The following OTOP2 variants were observed in gnomAD, a reference collection of about 807,000 sequenced individuals.
The protein encoded by OTOP2 is otopetrin 2, also known as proton channel OTOP2.
Under a neutral mutation model 47.4 loss-of-function variants are expected in OTOP2, and 41 were observed. The ratio of observed to expected loss-of-function variants is 0.87; its 90% confidence interval spans 0.67 to 1.12. The LOEUF is 1.12. Ranked by LOEUF, OTOP2 falls within the 50% of genes most tolerant of loss-of-function variation. The pLI is 0.00. For missense variants in OTOP2, 721 were observed against 752.2 expected (o/e 0.96, Z 0.49); for synonymous variants, 328 against 319.6 (o/e 1.03, Z -0.28).
chr17:74,930,265 T>C lies in OTOP2; in HGVS notation c.644-14T>C. On this transcript the variant is annotated splice_polypyrimidine_tract_variant and intron_variant, in intron 5 of 6. Coordinates refer to ENST00000331427, the MANE Select transcript of OTOP2 (RefSeq NM_178160.3). The surrounding 1 kb of genome is among the most constrained non-coding windows in gnomAD (Gnocchi z 4.0). Reference sequence around the variant, plus strand: ...CAGGAGGGCTGTCCAGCCCTGTGTCTCTCTCCACAACAGAGCATGCAGACA... The same window carrying C: ...CAGGAGGGCTGTCCAGCCCTGTGTCCCTCTCCACAACAGAGCATGCAGACA... The C allele has an allele frequency of 1.2e-6, 2 of 1,600,592 alleles. No individual in the cohort carries two copies. Among genetic ancestry groups the C allele is most frequent in the South Asian group, 1.1e-5 (1 of 90,476 alleles).
chr17:74,930,238 G>T lies in OTOP2; in HGVS notation c.644-41G>T. 1 of 1,576,548 alleles carries T rather than the reference G, an allele frequency of 6.3e-7. No homozygotes were observed. The highest frequency in any genetic ancestry group is 8.6e-7 in the Non-Finnish European group (1 of 1,156,672). On this transcript the variant is annotated intron_variant, in intron 5 of 6. Coordinates refer to ENST00000331427, the MANE Select transcript of OTOP2 (RefSeq NM_178160.3). This position sits in a 1 kb window ranked among gnomAD's most constrained non-coding sequence, Gnocchi z 4.0. ...GCTAGGGGTGAGACCTCTCTAGGAA[G>T]GCAGGAGGGCTGTCCAGCCCTGTGT...
rs1265951888 is a variant in OTOP2, at chr17:74,924,438, G to A, written c.-34+105G>A. 10 of 608,254 alleles carry A rather than the reference G, an allele frequency of 1.6e-5. No individual in the cohort carries two copies. The highest frequency in any genetic ancestry group is 2.7e-6 in the Non-Finnish European group (1 of 364,026). 37.7% of individuals were successfully genotyped at this position (608,254 alleles called of 1,614,324 possible). ...CCTTTCTTCCCATCCAGCGAGAGGGGCAGGTTCCGCATTTTCTCTTCCCCT... is the reference window on the plus strand; with the variant it reads ...CCTTTCTTCCCATCCAGCGAGAGGGACAGGTTCCGCATTTTCTCTTCCCCT... On this transcript the variant is annotated intron_variant, in intron 1 of 6. Coordinates refer to ENST00000331427, the MANE Select transcript of OTOP2 (RefSeq NM_178160.3). This position sits in a 1 kb window ranked among gnomAD's most constrained non-coding sequence, Gnocchi z 7.7.
At chr17:74,929,937 T>A (rs1433831323) in intron 5 of OTOP2, among the ~76,000 whole-genome samples, 1 of 152,106 alleles carries the variant, frequency 6.6e-6, no homozygotes. Context: ...AATCCCAGCA[T>A]TTTGGGAGGC....
rs2039020534 is a variant in OTOP2, at chr17:74,927,645, C to T, written c.510-20C>T. ...CAAAGGGTCACAGGCCTCTTTGTCCCCACCCCTGACCCCAAACAGGTGTGG... is the reference window on the plus strand; with the variant it reads ...CAAAGGGTCACAGGCCTCTTTGTCCTCACCCCTGACCCCAAACAGGTGTGG... On this transcript the variant is annotated intron_variant, in intron 4 of 6. Transcript: ENST00000331427. The T allele has an allele frequency of 6.2e-7, 1 of 1,605,062 alleles. No homozygotes were observed.
chr17:74,924,707 G>A lies in OTOP2; in HGVS notation c.75G>A (p.Lys25=). The part of the protein sequence containing the change: ...APRAGPREVW[K]KGGRLLSVLL... ...GTGCGGGCCCCAGGGAGGTGTGGAA[G>A]AAGGGTGGCCGCCTGCTGTCGGTGC... Residue 25 remains lysine (K), a synonymous_variant, in exon 2 of 7, where the codon AAG becomes AAA. Transcript: ENST00000331427. The surrounding 1 kb of genome is among the most constrained non-coding windows in gnomAD (Gnocchi z 7.7). 1 of 1,605,212 alleles carries A rather than the reference G, an allele frequency of 6.2e-7. No individual in the cohort carries two copies. The highest frequency in any genetic ancestry group is 1.1e-5 in the South Asian group (1 of 89,834).
intron 2 of OTOP2, 133 bp from the exon 3 acceptor site, chr17:74,925,423 T>A: frequency 9.3e-6 from 10 of 1,075,318 alleles, no homozygotes; most frequent in South Asian, 1.5e-5. Flanking sequence ...CATTGATCCA[T>A]CCAACAGTGC....
chr17:74,931,083 C>G lies in OTOP2; in HGVS notation c.1448C>G (p.Thr483Ser), dbSNP rs1004320104. Reference protein sequence around the residue: ...DQREAVAIVSTPRSQWRRQCL... With the variant: ...DQREAVAIVSSPRSQWRRQCL... ...CGGGAAGCAGTGGCCATCGTCTCAACCCCCAGAAGCCAGTGGAGACGCCAG... is the reference window on the plus strand; with the variant it reads ...CGGGAAGCAGTGGCCATCGTCTCAAGCCCCAGAAGCCAGTGGAGACGCCAG... Residue 483 changes from threonine (T) to serine (S), a missense_variant, in exon 6 of 7, where the codon ACC (threonine) becomes AGC (serine). Coordinates refer to ENST00000331427, the MANE Select transcript of OTOP2 (RefSeq NM_178160.3). The G allele has an allele frequency of 1.4e-5, 23 of 1,613,922 alleles. No individual in the cohort carries two copies. The African/African-American group carries it at 2.8e-4, about 20-fold the overall frequency.
At position 74,927,813 on chromosome 17, in the gene OTOP2, A is replaced by C. The variant is rs761980085; in HGVS notation, c.643+15A>C. The C allele has an allele frequency of 8.1e-6, 13 of 1,612,874 alleles. No homozygotes were observed. Among genetic ancestry groups the C allele is most frequent in the Non-Finnish European group, 8.5e-7 (1 of 1,179,452 alleles). On this transcript the variant is annotated intron_variant, in intron 5 of 6. Transcript: ENST00000331427. ...CATCTCTGACCGTGAGTTTCCTCTT[A>C]ATGCTGGCCCTGTGGCTACCAGGCC... is the stretch of plus-strand genomic sequence containing the variant.
intron 3 of OTOP2, among the ~76,000 whole-genome samples, chr17:74,926,699 CTG>C (rs1048772345): frequency 1.3e-5 from 2 of 152,064 alleles, no homozygotes; most frequent in African/African-American, 4.8e-5. Flanking sequence ...TTTATACAAA[CTG>C]TGTCAGAATA....
rs2039080406 is a variant in OTOP2 at position 74,933,654 on chromosome 17, CT to C, written c.*111del. On this transcript the variant is annotated 3_prime_UTR_variant, in exon 7 of 7. Coordinates refer to ENST00000331427, the MANE Select transcript of OTOP2 (RefSeq NM_178160.3). The surrounding 1 kb of genome is among the most constrained non-coding windows in gnomAD (Gnocchi z 4.7). ...CTGGTGCCATATGACAGCCCATTTC[CT>C]TCTGGTCCCAGAGTGGAATTTTCAC... 7.9e-7 allele frequency: 1 copy of C among 1,268,372 alleles called. No individual in the cohort carries two copies. Among genetic ancestry groups the C allele is most frequent in the African/African-American group, 1.5e-5 (1 of 67,208 alleles). 78.6% of individuals were successfully genotyped at this position (1,268,372 alleles called of 1,614,324 possible).
rs780406099 is a variant in OTOP2 at position 74,925,541 on chromosome 17, A to G, written c.314-15A>G. ...TTTGATCCACCACCACCACCCACCC[A>G]CCCCTGGTTTCCAGGTGGGCTGGTG... On this transcript the variant is annotated splice_polypyrimidine_tract_variant and intron_variant, in intron 2 of 6. Coordinates refer to ENST00000331427, the MANE Select transcript of OTOP2 (RefSeq NM_178160.3). 6.2e-7 allele frequency: 1 copy of G among 1,611,140 alleles called. No homozygotes were observed. The highest frequency in any genetic ancestry group is 2.2e-5 in the East Asian group (1 of 44,802).
chr17:74,932,235 A>G (rs1036147174), intron 6 of OTOP2, among the ~76,000 whole-genome samples: 5 of 152,192 alleles, frequency 3.3e-5, no homozygotes, highest in African/African-American at 1.2e-4. Context: ...AGAACCTCCA[A>G]TAGAAAAATA....
At chr17:74,927,845 C>G (rs1040345904) in intron 5 of OTOP2, 47 bp downstream of exon 5, 2 of 1,596,510 alleles carry the variant, frequency 1.3e-6, no homozygotes, top group African/African-American at 2.7e-5. Flanking sequence ...GGCCTTGGGC[C>G]GGGTGCTTTG....
chr17:74,930,777 C>T lies in OTOP2; in HGVS notation c.1142C>T (p.Ala381Val), dbSNP rs749921871. The change falls in exon 6 of 7, where the codon GCC (alanine) becomes GTC (valine). Residue 381 changes from alanine (A) to valine (V), a missense_variant. Coordinates refer to ENST00000331427, the MANE Select transcript of OTOP2 (RefSeq NM_178160.3). This position sits in a 1 kb window ranked among gnomAD's most constrained non-coding sequence, Gnocchi z 4.0. ...LLMGAALGQY[A>V]ISYYSIVAVV... ...ATGGGTGCCGCCCTGGGTCAGTACG[C>T]CATCTCTTACTACTCCATCGTGGCT... 21 of 1,614,032 alleles carry T rather than the reference C, an allele frequency of 1.3e-5. No individual in the cohort carries two copies. Among genetic ancestry groups the T allele is most frequent in the Admixed American group, 5.0e-5 (3 of 60,004 alleles).
chr17:74,933,095 T>C lies in OTOP2; in HGVS notation c.1519-280T>C, dbSNP rs1019138698. The stretch of plus-strand genomic sequence containing the variant: ...CTCTTCTCCCCTCCCCAATCCCACA[T>C]TGAGGCCCTGCTAAGATTTTGGGAG... On this transcript the variant is annotated intron_variant, in intron 6 of 6. Transcript: ENST00000331427. This position sits in a 1 kb window ranked among gnomAD's most constrained non-coding sequence, Gnocchi z 4.7. 6.6e-5 allele frequency among the ~76,000 whole-genome samples: 10 copies of C among 150,938 alleles called. 1 individual carries two copies. Among genetic ancestry groups the C allele is most frequent in the Middle Eastern group, 6.4e-3 (2 of 314 alleles).
Position 74,927,604 on chromosome 17 carries a change from T to C in OTOP2, c.510-61T>C, listed in dbSNP as rs2039020180. ...CATTTCTCAACACCAGCTCTCAGTA[T>C]TGCTCCCCAACCTGCCAAAGGGTCA... On this transcript the variant is annotated intron_variant, in intron 4 of 6. Coordinates refer to ENST00000331427, the MANE Select transcript of OTOP2 (RefSeq NM_178160.3). 1.9e-6 allele frequency: 3 copies of C among 1,570,918 alleles called. No individual in the cohort carries two copies. In the Admixed American group the frequency reaches 5.5e-5, roughly 29 times the overall value.
chr17:74,926,915 C>T (rs2039012973), intron 3 of OTOP2, among the ~76,000 whole-genome samples: 1 of 151,916 alleles, frequency 6.6e-6, no homozygotes, highest in South Asian at 2.1e-4. Context: ...GCCACCATGC[C>T]CAGATAATTT....
rs1047766350 is a variant in OTOP2, at chr17:74,928,187, A to G, written c.643+389A>G. On this transcript the variant is annotated intron_variant, in intron 5 of 6. Coordinates refer to ENST00000331427, the MANE Select transcript of OTOP2 (RefSeq NM_178160.3). ...ATGAAACCCCGTCTCTACAAAAAAT[A>G]CAAAAAAATAGCCCATTGTGGTGGT... is the stretch of plus-strand genomic sequence containing the variant. 6.6e-5 allele frequency: 11 copies of G among 167,216 alleles called. No homozygotes were observed. The East Asian group carries it at 1.7e-3, about 27-fold the overall frequency. The allele number at this position is 167,216 out of a possible 1,614,324, so 10.4% of individuals were successfully genotyped here.
rs1598591939 is a variant in OTOP2, at chr17:74,927,111, A to G, written c.451-112A>G. On this transcript the variant is annotated intron_variant, in intron 3 of 6. Transcript: ENST00000331427. ...TTGTGAAGCTAAAATGAACCTGATA[A>G]CTCAGTGTAAGGGTTCCTCAGGCGG... 1.6e-5 allele frequency: 16 copies of G among 993,988 alleles called. 1 individual carries two copies. The East Asian group carries it at 3.6e-4, about 22-fold the overall frequency. 61.6% of individuals were successfully genotyped at this position (993,988 alleles called of 1,614,324 possible).
Sources: allele counts gnomAD v4.1 joint callset (sites outside exome capture counted in the v4.1 genomes callset), GRCh38; gene constraint gnomAD v4.1.1; non-coding constraint Gnocchi (gnomAD v3.1); transcripts MANE v1.5; gene names NCBI Gene and HGNC (gene_info 2026-07-23, HGNC 2026-07-21).